TNRC6C: variants seen among roughly 807,000 people sequenced by gnomAD.
TNRC6C encodes the protein trinucleotide repeat containing adaptor 6C, also known as trinucleotide repeat-containing gene 6C protein.
TNRC6C carries 20 observed loss-of-function variants against 153.7 expected under a neutral mutation model. The ratio of observed to expected loss-of-function variants is 0.13; its 90% CI spans 0.09 to 0.19. The LOEUF is 0.19. Ranked by LOEUF, TNRC6C falls within the 10% of genes least tolerant of loss-of-function variation. The probability of loss-of-function intolerance (pLI) is 1.00; values close to 1 mark genes in which losing one functional copy is unlikely to be tolerated. For missense variants in TNRC6C, 1,987 were observed against 2,172.0 expected (o/e 0.91, Z 1.69); for synonymous variants, 811 against 841.4 (o/e 0.96, Z 0.63).
chr17:77,979,472 A>T (rs1468668291), intron 1 of TNRC6C, among the ~76,000 whole-genome samples: 1 of 152,204 alleles, frequency 6.6e-6, no homozygotes, highest in African/African-American at 2.4e-5. Flanking sequence ...TAGTATTCTT[A>T]GCTGAAGAAA....
chr17:77,996,365 T>C (rs1269285934), intron 1 of TNRC6C, among the ~76,000 whole-genome samples: 1 of 152,052 alleles, frequency 6.6e-6, no homozygotes, highest in Non-Finnish European at 1.5e-5. Context: ...GATGACAAAA[T>C]TGAAGGACAA....
At chr17:78,029,834 C>T (rs1353495610) in intron 1 of TNRC6C, among the ~76,000 whole-genome samples, 1 of 150,508 alleles carries the variant, frequency 6.6e-6, no homozygotes, top group Non-Finnish European at 1.5e-5. Flanking sequence ...CACACACACA[C>T]ACATAAGCCA....
intron 1 of TNRC6C, among the ~76,000 whole-genome samples, chr17:77,967,404 G>A (rs185409646): frequency 6.6e-6 from 1 of 152,136 alleles, no homozygotes. Flanking sequence ...AGTCATGCGG[G>A]GGGGGAGAGA....
intron 1 of TNRC6C, among the ~76,000 whole-genome samples, chr17:77,967,577 A>AC (rs2070907754): frequency 6.6e-6 from 1 of 152,182 alleles, no homozygotes; most frequent in Admixed American, 6.5e-5. Flanking sequence ...TCCCTGCACT[A>AC]CTGTTTTCTG....
At chr17:78,096,395 A>G (rs961293161) in intron 16 of TNRC6C, among the ~76,000 whole-genome samples, 3 of 152,226 alleles carry the variant, frequency 2.0e-5, no homozygotes, top group African/African-American at 4.8e-5. Context: ...AAACCTGCAC[A>G]TGGACTCCCT....
intron 2 of TNRC6C, among the ~76,000 whole-genome samples, chr17:78,036,420 A>C (rs1386813675): frequency 1.3e-5 from 2 of 152,188 alleles, no homozygotes; most frequent in Admixed American, 1.3e-4. Flanking sequence ...AGTAAGTGTT[A>C]TAGTCCTGTA....
chr17:77,959,688 G>T (rs934178483), intron 1 of TNRC6C, among the ~76,000 whole-genome samples: 2 of 152,132 alleles, frequency 1.3e-5, no homozygotes, highest in African/African-American at 4.8e-5. Flanking sequence ...AGAAAAACCC[G>T]GGGCGTGCTG....
At chr17:78,033,610 G>A (rs752451905) in intron 2 of TNRC6C, among the ~76,000 whole-genome samples, 36 of 151,994 alleles carry the variant, frequency 2.4e-4, no homozygotes, top group South Asian at 1.5e-3. Flanking sequence ...TGGAGGTTGC[G>A]GCGAGCCGAG....
At chr17:78,046,676 A>G (rs1463411733) in intron 2 of TNRC6C, among the ~76,000 whole-genome samples, 1 of 152,266 alleles carries the variant, frequency 6.6e-6, no homozygotes, top group South Asian at 2.1e-4. Flanking sequence ...GGTCATAGAG[A>G]TGGTCTCCTT....
At chr17:78,048,165 T>A (rs928683848) in intron 2 of TNRC6C, among the ~76,000 whole-genome samples, 11 of 151,428 alleles carry the variant, frequency 7.3e-5, no homozygotes, top group African/African-American at 9.8e-5. Flanking sequence ...TTTTTTTTTT[T>A]ATTATGAATG....
At chr17:77,963,391 T>G (rs978125872) in intron 1 of TNRC6C, among the ~76,000 whole-genome samples, 1 of 152,346 alleles carries the variant, frequency 6.6e-6, no homozygotes, top group East Asian at 1.9e-4. Flanking sequence ...TATGTAATTT[T>G]AAAAAATCTC....
rs536110708 is a variant in TNRC6C, at chr17:78,096,657, G to T, written c.4307-1686G>T. ...CAGAAACCGTCCGATTCTGTTTATG[G>T]TCATCAGTTTAGCAGCCAGACTGTG... On this transcript the variant is annotated intron_variant, in intron 16 of 19. Coordinates refer to ENST00000301624, the Ensembl canonical transcript of TNRC6C. 2.5e-3 allele frequency among the ~76,000 whole-genome samples: 381 copies of T among 152,332 alleles called. 1 individual carries two copies. Among genetic ancestry groups the T allele is most frequent in the African/African-American group, 8.9e-3 (368 of 41,574 alleles).
chr17:78,051,498 AGCT>A, intron 3 of TNRC6C, 50 bp downstream of exon 5: 1 of 1,269,948 alleles, frequency 7.9e-7, no homozygotes, highest in Non-Finnish European at 1.0e-6. Flanking sequence ...AAAAAAAAAA[AGCT>A]TATTCTCATT....
chr17:78,083,712 T>A (rs1214499582), intron 11 of TNRC6C, among the ~76,000 whole-genome samples: 1 of 152,264 alleles, frequency 6.6e-6, no homozygotes, highest in Non-Finnish European at 1.5e-5. Context: ...ATATAGTAGA[T>A]GCCTTAGAGC....
exon 3 of TNRC6C, chr17:78,050,480 A>G: frequency 1.9e-6 from 3 of 1,614,050 alleles, no homozygotes; most frequent in Non-Finnish European, 1.7e-6. Context: ...AGGAAAAATG[A>G]CAATGGGACA....
At chr17:78,055,475 G>T (rs1368257986) in intron 3 of TNRC6C, among the ~76,000 whole-genome samples, 1 of 152,208 alleles carries the variant, frequency 6.6e-6, no homozygotes, top group Admixed American at 6.5e-5. Context: ...CCACAAACAC[G>T]TGGGGAATGC....
intron 11 of TNRC6C, 88 bp from the exon 14 acceptor site, chr17:78,086,415 T>G: frequency 8.0e-7 from 1 of 1,249,506 alleles, no homozygotes; most frequent in South Asian, 1.3e-5. Flanking sequence ...TCTCTTTTTT[T>G]ATTTTTTAAC....
In TNRC6C at chr17:78,093,771, T is replaced by C; in HGVS notation, c.4306+8T>C. 1.2e-6 allele frequency: 2 copies of C among 1,613,590 alleles called. No homozygotes were observed. The highest frequency in any genetic ancestry group is 1.7e-6 in the Non-Finnish European group (2 of 1,179,780). On this transcript the variant is annotated splice_region_variant and intron_variant, in intron 16 of 19. Coordinates refer to ENST00000301624, the Ensembl canonical transcript of TNRC6C. The stretch of plus-strand genomic sequence containing the variant: ...ACCTCCTCAAGAGTGGAGGTGAGGG[T>C]GCTGCTCTTCCTGCCTCTGCATGGA...
At chr17:78,047,575 A>C (rs1294390764) in intron 2 of TNRC6C, among the ~76,000 whole-genome samples, 1 of 152,034 alleles carries the variant, frequency 6.6e-6, no homozygotes, top group Non-Finnish European at 1.5e-5. Flanking sequence ...TTTTTCCTTT[A>C]GCTCCATCAA....
Sources: gnomAD v4.1 joint callset for allele counts (sites outside exome capture counted in the v4.1 genomes callset) on GRCh38, gnomAD v4.1.1 for gene constraint, MANE v1.5 for transcripts, NCBI Gene and HGNC (gene_info 2026-07-23, HGNC 2026-07-21) for gene names.